The following MERTK variants were observed in gnomAD, a reference collection of about 807,000 sequenced individuals.
MERTK encodes the protein MER proto-oncogene, tyrosine kinase.
Under a neutral mutation model 99.3 loss-of-function variants are expected in MERTK, and 69 were observed. The observed-to-expected ratio is 0.70, with a 90% CI of 0.57 to 0.85. The LOEUF (loss-of-function observed/expected upper bound fraction) is 0.85, where lower values mean the gene tolerates loss of function less well. Among genes scored for constraint, MERTK ranks in the 40% least tolerant of loss-of-function variants. The pLI, the probability that MERTK is intolerant of heterozygous loss-of-function variation, is 0.00. For synonymous variants in MERTK, 426 were observed against 467.6 expected, an observed-to-expected ratio of 0.91 and a Z score of 1.15; for missense variants, 1,125 against 1,249.4, an observed-to-expected ratio of 0.90 and a Z score of 1.50.
chr2:112,009,036 G>C (rs1677042518), intron 14 of MERTK, among the ~76,000 whole-genome samples: 1 of 152,214 alleles, frequency 6.6e-6, no homozygotes. Context: ...TAAGTATGGA[G>C]TGGATGCTGT....
At chr2:111,955,669 A>C (rs1399336377) in intron 4 of MERTK, among the ~76,000 whole-genome samples, 1 of 152,216 alleles carries the variant, frequency 6.6e-6, no homozygotes, top group African/African-American at 2.4e-5. Flanking sequence ...ATGGTTATGT[A>C]AGATCTTATC....
chr2:112,014,507 A>C (rs1455611492), intron 15 of MERTK, among the ~76,000 whole-genome samples: 1 of 151,304 alleles, frequency 6.6e-6, no homozygotes, highest in Admixed American at 6.6e-5. Context: ...GGGGTGTGGA[A>C]ATTTCATGTT....
At chr2:111,996,225 A>G (rs1452898820) in intron 9 of MERTK, 3 of 154,268 alleles carry the variant, frequency 1.9e-5, no homozygotes, top group African/African-American at 7.2e-5. Context: ...CATTCCCCAA[A>G]AATATAGTTC....
At chr2:111,994,796 AAAAG>A (rs1676701001) in intron 9 of MERTK, 4 of 306,296 alleles carry the variant, frequency 1.3e-5, no homozygotes, top group South Asian at 6.0e-5. Flanking sequence ...AAAAAAAAAA[AAAAG>A]AAGGGAAAAA....
chr2:111,957,744 A>T (rs1685176571), intron 4 of MERTK, among the ~76,000 whole-genome samples: 1 of 152,206 alleles, frequency 6.6e-6, no homozygotes, highest in East Asian at 1.9e-4. Flanking sequence ...AGCAGAGCAG[A>T]TAGAGAGGTC....
At chr2:111,938,047 A>G (rs1684794792) in intron 2 of MERTK, among the ~76,000 whole-genome samples, 1 of 151,818 alleles carries the variant, frequency 6.6e-6, no homozygotes, top group African/African-American at 2.4e-5. Context: ...TAGAGTAACC[A>G]CTACTCTATT....
In MERTK at chr2:112,022,329, T is replaced by C; in HGVS notation, c.2421T>C (p.His807=). The C allele has an allele frequency of 1.9e-6, 3 of 1,613,834 alleles. No homozygotes were observed. Among genetic ancestry groups the C allele is most frequent in the Non-Finnish European group, 2.5e-6 (3 of 1,179,710 alleles). The stretch of plus-strand genomic sequence containing the variant: ...CTCCCTATCCTGGGGTCCAGAACCA[T>C]GAGATGTATGACTATCTTCTCCATG... The part of the protein sequence containing the change: ...GMTPYPGVQN[H]EMYDYLLHGH... The change falls in exon 18 of 19, where the codon CAT becomes CAC. Residue 807 remains histidine, a synonymous_variant. Transcript: ENST00000295408.
chr2:111,943,982 C>T (rs1246176565), intron 2 of MERTK, among the ~76,000 whole-genome samples: 1 of 152,090 alleles, frequency 6.6e-6, no homozygotes, highest in Non-Finnish European at 1.5e-5. Context: ...CAGAGAACCA[C>T]TGGTGCAGAG....
intron 1 of MERTK, among the ~76,000 whole-genome samples, chr2:111,919,119 C>T (rs1178063086): frequency 6.6e-6 from 1 of 152,162 alleles, no homozygotes; most frequent in Non-Finnish European, 1.5e-5. Context: ...GTCCCTCTGA[C>T]TTTAGGGTTC....
chr2:111,975,601 G>A, intron 7 of MERTK, 129 bp downstream of exon 7: 1 of 968,462 alleles, frequency 1.0e-6, no homozygotes. Context: ...GAAAATTATT[G>A]AGGCGACTGA....
At chr2:111,965,526 C>T (rs929230804) in intron 5 of MERTK, among the ~76,000 whole-genome samples, 1 of 152,226 alleles carries the variant, frequency 6.6e-6, no homozygotes, top group Non-Finnish European at 1.5e-5. Flanking sequence ...AAGTGCCTGG[C>T]ATATAGGTCT....
chr2:111,917,583 TTAAAATTATGC>T (rs1443413121), intron 1 of MERTK, among the ~76,000 whole-genome samples: 2 of 152,152 alleles, frequency 1.3e-5, no homozygotes, highest in African/African-American at 4.8e-5. Flanking sequence ...GTCTTGTTTT[TTAAAATTATGC>T]TAAAAGACGA....
At chr2:111,903,914 G>A (rs143629778) in intron 1 of MERTK, among the ~76,000 whole-genome samples, 152 of 152,298 alleles carry the variant, frequency 1.0e-3, no homozygotes, top group Admixed American at 2.3e-3. Context: ...TGGGGGAAAT[G>A]TTTTTCCTAG....
At chr2:111,967,950 C>A (rs1327555075) in intron 5 of MERTK, among the ~76,000 whole-genome samples, 187 bp from the exon 6 acceptor site, 2 of 152,158 alleles carry the variant, frequency 1.3e-5, no homozygotes, top group Non-Finnish European at 2.9e-5. Flanking sequence ...TGGAAGACTT[C>A]TTTGGCCCAT....
intron 2 of MERTK, among the ~76,000 whole-genome samples, chr2:111,934,127 G>A (rs779686363): frequency 3.3e-5 from 5 of 152,058 alleles, no homozygotes; most frequent in Non-Finnish European, 7.4e-5. Context: ...CATCATTGAT[G>A]GACATTTGGA....
intron 10 of MERTK, among the ~76,000 whole-genome samples, chr2:112,000,622 A>T (rs1041148315): frequency 6.6e-6 from 1 of 152,244 alleles, no homozygotes. Flanking sequence ...TCAAGGGTGC[A>T]TATTAACATG....
chr2:111,919,923 C>T (rs956470604), intron 1 of MERTK, among the ~76,000 whole-genome samples: 15 of 151,514 alleles, frequency 9.9e-5, no homozygotes, highest in Non-Finnish European at 1.9e-4. Context: ...ATGCTGCAAG[C>T]CTTGGTTCAG....
intron 8 of MERTK, 76 bp from the exon 9 acceptor site, chr2:111,994,175 A>G (rs1206887363): frequency 8.3e-6 from 13 of 1,560,078 alleles, no homozygotes; most frequent in Admixed American, 6.7e-5. Flanking sequence ...GGCTTCCCTC[A>G]GAAGGAACTG....
chr2:111,975,462 G>A lies in MERTK; in HGVS notation c.1134G>A (p.Thr378=), dbSNP rs150487517. 2.5e-6 allele frequency: 4 copies of A among 1,614,068 alleles called. No homozygotes were observed. The highest frequency in any genetic ancestry group is 2.7e-5 in the African/African-American group (2 of 75,022). Residue 378 remains threonine, a synonymous_variant, in exon 7 of 19, where the codon ACG becomes ACA. Transcript: ENST00000295408. ...SAVSPWILAS[T]TEGAPSVAPL... ...TGAGCCCTTGGATTCTAGCCAGCAC[G>A]ACTGAAGGAGGTAATTCCTGGGGTT...
Sources: allele counts gnomAD v4.1 joint callset (sites outside exome capture counted in the v4.1 genomes callset), GRCh38; gene constraint gnomAD v4.1.1; transcripts MANE v1.5; gene names NCBI Gene and HGNC (gene_info 2026-07-23, HGNC 2026-07-21).